Variants in LRRC20 observed in about 807,000 individuals in gnomAD.
LRRC20 encodes leucine-rich repeat-containing protein 20.
In LRRC20, 11 loss-of-function variants were observed where a neutral mutation model predicts 14.4. The ratio of observed to expected loss-of-function variants is 0.77; its 90% CI spans 0.48 to 1.27. The LOEUF is 1.27. Ranked by LOEUF, LRRC20 falls within the 50% of genes most tolerant of loss-of-function variation. The pLI, the probability that LRRC20 is intolerant of heterozygous loss-of-function variation, is 0.00. For synonymous variants in LRRC20, 121 were observed against 107.3 expected (o/e 1.13, Z -0.79); for missense variants, 219 against 251.2 (o/e 0.87, Z 0.87).
chr10:70,327,579 T>TAAA (rs60686183), intron 3 of LRRC20, among the ~76,000 whole-genome samples: 1 of 144,844 alleles, frequency 6.9e-6, no homozygotes, highest in Non-Finnish European at 1.5e-5. Flanking sequence ...AGACTCTATC[T>TAAA]AAAAAAAAAA....
chr10:70,365,896 C>A (rs187164164), intron 2 of LRRC20, among the ~76,000 whole-genome samples: 1,712 of 151,796 alleles, frequency 0.011, 41 homozygotes, highest in African/African-American at 0.04. Flanking sequence ...CGGTGAAACC[C>A]CTCTCTACTA....
intron 4 of LRRC20, among the ~76,000 whole-genome samples, chr10:70,304,652 T>C (rs1295298301): frequency 6.6e-6 from 1 of 151,812 alleles, no homozygotes. Context: ...ACAACCAATC[T>C]CCAGAACTCG....
At chr10:70,324,623 G>A (rs758907513) in intron 3 of LRRC20, among the ~76,000 whole-genome samples, 17 of 152,218 alleles carry the variant, frequency 1.1e-4, no homozygotes, top group East Asian at 3.9e-4. Flanking sequence ...CAGCTGGGCC[G>A]GGGGAGTCCC....
At position 70,301,064 on chromosome 10, in the gene LRRC20, T is replaced by G. The variant is rs532347816; in HGVS notation, c.*290A>C. On this transcript the variant is annotated 3_prime_UTR_variant, in exon 5 of 5. Transcript: ENST00000446961. ...GCCCAAAGGAGGGAAAGGGTCCTGTTTTTTTCAAGTGACAAGGCTCAGAGA... is the reference window on the plus strand; with the variant it reads ...GCCCAAAGGAGGGAAAGGGTCCTGTGTTTTTCAAGTGACAAGGCTCAGAGA... 3.9e-4 allele frequency: 468 copies of G among 1,194,450 alleles called. No individual in the cohort carries two copies. Among genetic ancestry groups the G allele is most frequent in the Non-Finnish European group, 4.6e-4 (443 of 962,674 alleles). 74.0% of individuals were successfully genotyped at this position (1,194,450 alleles called of 1,614,324 possible). A position where few individuals can be genotyped will look rare whatever the true frequency, so the allele number is the denominator to read the frequency against.
intron 2 of LRRC20, among the ~76,000 whole-genome samples, chr10:70,361,228 T>C (rs1265276415): frequency 6.6e-6 from 1 of 152,176 alleles, no homozygotes; most frequent in Non-Finnish European, 1.5e-5. Flanking sequence ...AAATATCACC[T>C]CTCCAGAGCT....
chr10:70,314,935 T>C (rs1011656654), intron 4 of LRRC20, among the ~76,000 whole-genome samples: 1 of 152,192 alleles, frequency 6.6e-6, no homozygotes, highest in African/African-American at 2.4e-5. Flanking sequence ...CCTAGAGCTA[T>C]GGGCAAAAAT....
At chr10:70,356,828 GCAA>G (rs1347256917) in intron 2 of LRRC20, among the ~76,000 whole-genome samples, 1 of 151,960 alleles carries the variant, frequency 6.6e-6, no homozygotes, top group Non-Finnish European at 1.5e-5. Flanking sequence ...TCCAGCCTGG[GCAA>G]CAGAATGAGA....
At position 70,300,540 on chromosome 10, in the gene LRRC20, C is replaced by T. The variant is rs1841131446; in HGVS notation, c.*814G>A. On this transcript the variant is annotated 3_prime_UTR_variant, in exon 5 of 5. Transcript: ENST00000446961. Reference sequence around the variant, plus strand: ...AGGGTGGCCATCTAATCACTTTAGACAAGAGCTGCAGGTGTAACTGACTCT... The same window carrying T: ...AGGGTGGCCATCTAATCACTTTAGATAAGAGCTGCAGGTGTAACTGACTCT... 2 of 985,430 alleles carry T rather than the reference C, an allele frequency of 2.0e-6. No individual in the cohort carries two copies. The highest frequency in any genetic ancestry group is 2.4e-6 in the Non-Finnish European group (2 of 830,040). 61.0% of individuals were successfully genotyped at this position (985,430 alleles called of 1,614,324 possible). A position where few individuals can be genotyped will look rare whatever the true frequency, so the allele number is the denominator to read the frequency against.
chr10:70,332,587 T>C (rs897770442), intron 3 of LRRC20, among the ~76,000 whole-genome samples: 2 of 152,192 alleles, frequency 1.3e-5, no homozygotes, highest in Non-Finnish European at 2.9e-5. Flanking sequence ...GAGGTTGCAG[T>C]GAGCCGAGAT....
chr10:70,302,175 A>G (rs948823318), intron 4 of LRRC20, among the ~76,000 whole-genome samples: 1 of 152,076 alleles, frequency 6.6e-6, no homozygotes, highest in African/African-American at 2.4e-5. Flanking sequence ...TTAGCCGGGC[A>G]TGGTGGTGGG....
chr10:70,338,063 G>C (rs1437142362), intron 3 of LRRC20, among the ~76,000 whole-genome samples: 3 of 152,320 alleles, frequency 2.0e-5, no homozygotes, highest in East Asian at 3.9e-4. Flanking sequence ...AGGTGGCCTG[G>C]AAAGTTCCAG....
At chr10:70,362,072 C>G (rs1160443120) in intron 2 of LRRC20, among the ~76,000 whole-genome samples, 2 of 152,234 alleles carry the variant, frequency 1.3e-5, no homozygotes, top group African/African-American at 2.4e-5. Context: ...GTAATCCCAG[C>G]TACTCAGGAG....
chr10:70,327,624 T>A (rs966580999), intron 3 of LRRC20, among the ~76,000 whole-genome samples: 69 of 152,124 alleles, frequency 4.5e-4, no homozygotes, highest in African/African-American at 1.6e-3. Flanking sequence ...CTTATTACTA[T>A]GCTAATAGAG....
At chr10:70,335,920 C>T (rs1842713689) in intron 3 of LRRC20, among the ~76,000 whole-genome samples, 1 of 152,190 alleles carries the variant, frequency 6.6e-6, no homozygotes, top group Non-Finnish European at 1.5e-5. Flanking sequence ...TTACTGAAAG[C>T]AAAACTGACT....
chr10:70,351,982 G>C (rs1843328668), intron 2 of LRRC20, among the ~76,000 whole-genome samples: 1 of 152,158 alleles, frequency 6.6e-6, no homozygotes, highest in African/African-American at 2.4e-5. Context: ...TACAACTGTT[G>C]AGCAAGTTCC....
rs1020912177 is a variant in LRRC20, at chr10:70,328,304, G to GT, written c.233-4275dup. Among the ~76,000 whole-genome samples, 232 of 145,556 alleles carry GT rather than the reference G, an allele frequency of 1.6e-3. 1 individual carries two copies. Among genetic ancestry groups the GT allele is most frequent in the African/African-American group, 4.2e-3 (167 of 39,626 alleles). ...TAATCTTTGTTTTTTGTTTTTTGGC[G>GT]TTTTTTTTTTGAGATGGAGTTTTGC... On this transcript the variant is annotated intron_variant, in intron 3 of 4. Coordinates refer to ENST00000446961, the MANE Select transcript of LRRC20 (RefSeq NM_001278212.2).
In LRRC20 at chr10:70,356,117, T is replaced by C. The variant is rs557284776; in HGVS notation, c.83-15415A>G. Reference sequence around the variant, plus strand: ...TCTTCTCAGAATCCAAATTGAATCCTTTCTTGGGCCAACTCTTTCTTGCTG... The same window carrying C: ...TCTTCTCAGAATCCAAATTGAATCCCTTCTTGGGCCAACTCTTTCTTGCTG... On this transcript the variant is annotated intron_variant, in intron 2 of 4. Coordinates refer to ENST00000446961, the MANE Select transcript of LRRC20 (RefSeq NM_001278212.2). Among the ~76,000 whole-genome samples the C allele has an allele frequency of 6.6e-5, 10 of 152,350 alleles. No individual in the cohort carries two copies. In the East Asian group the frequency reaches 1.5e-3, roughly 23 times the overall value.
chr10:70,382,037 T>G (rs769635918), intron 1 of LRRC20: 2 of 152,132 alleles, frequency 1.3e-5, no homozygotes, highest in Non-Finnish European at 2.9e-5. Flanking sequence ...ACTGGGAGAA[T>G]AAAGCTGGCA....
chr10:70,333,204 C>T (rs1056733912), intron 3 of LRRC20, among the ~76,000 whole-genome samples: 1 of 152,170 alleles, frequency 6.6e-6, no homozygotes, highest in African/African-American at 2.4e-5. Context: ...GACAGAGGTA[C>T]CAGAGGCTCA....
Sources: gnomAD v4.1 joint callset for allele counts (sites outside exome capture counted in the v4.1 genomes callset) on GRCh38, gnomAD v4.1.1 for gene constraint, MANE v1.5 for transcripts, NCBI Gene and HGNC (gene_info 2026-07-23, HGNC 2026-07-21) for gene names.